The following DTHD1 variants were observed in gnomAD, a reference collection of about 807,000 sequenced individuals.
DTHD1 encodes the protein death domain-containing protein 1.
DTHD1 carries 59 observed loss-of-function variants against 74.8 expected under a neutral mutation model. That is an observed-to-expected ratio of 0.79 (90% CI 0.64 to 0.98). The LOEUF (loss-of-function observed/expected upper bound fraction) is 0.98. DTHD1 is among the 50% of genes least tolerant of loss of function. The probability of loss-of-function intolerance (pLI) is 0.00; values close to 1 mark genes in which losing one functional copy is unlikely to be tolerated. For missense variants in DTHD1, 1,051 were observed against 1,065.4 expected (o/e 0.99, Z 0.19); for synonymous variants, 365 against 371.1 (o/e 0.98, Z 0.19).
At chr4:36,304,326 A>G (rs76899008) in intron 5 of DTHD1, among the ~76,000 whole-genome samples, 2,291 of 152,342 alleles carry the variant, frequency 0.015, 47 homozygotes, top group African/African-American at 0.052. Context: ...AGAATTTACC[A>G]TATCTGTGGT....
intron 1 of DTHD1, among the ~76,000 whole-genome samples, chr4:36,282,429 T>C (rs1040303271): frequency 6.6e-6 from 1 of 152,200 alleles, no homozygotes; most frequent in African/African-American, 2.4e-5. Flanking sequence ...GAGGCAGAGC[T>C]AGTAGTTTGT....
At chr4:36,334,288 G>T (rs1306345690) in intron 8 of DTHD1, among the ~76,000 whole-genome samples, 1 of 151,392 alleles carries the variant, frequency 6.6e-6, no homozygotes, top group Admixed American at 6.6e-5. Context: ...TCCCTTTTTT[G>T]CCCCTTTCTC....
chr4:36,347,458 C>A lies in DTHD1; in HGVS notation c.*3634C>A, dbSNP rs1318597210. 2.6e-5 allele frequency among the ~76,000 whole-genome samples: 4 copies of A among 152,062 alleles called. No individual in the cohort carries two copies. The highest frequency in any genetic ancestry group is 5.9e-5 in the Non-Finnish European group (4 of 67,980). On this transcript the variant is annotated 3_prime_UTR_variant, in exon 10 of 10. Transcript: ENST00000639862. ...AGCAAAGTGATAGTTTACCATAGTT[C>A]ATTTAACCGTGTTCTATATTCAGGA...
At chr4:36,329,634 T>C (rs1232435971) in intron 8 of DTHD1, among the ~76,000 whole-genome samples, 1 of 152,264 alleles carries the variant, frequency 6.6e-6, no homozygotes, top group Non-Finnish European at 1.5e-5. Flanking sequence ...GTATGCTTGC[T>C]TATACTGCTG....
chr4:36,305,654 A>C (rs953666163), intron 5 of DTHD1, among the ~76,000 whole-genome samples: 2 of 152,090 alleles, frequency 1.3e-5, no homozygotes, highest in African/African-American at 4.8e-5. Context: ...GAAATCAAAT[A>C]ATTTGCCCAT....
Position 36,321,178 on chromosome 4 carries a change from C to A in DTHD1, c.2340+4692C>A, listed in dbSNP as rs76805116. Among the ~76,000 whole-genome samples the A allele has an allele frequency of 5.9e-5, 9 of 152,178 alleles. No homozygotes were observed. In the South Asian group the frequency reaches 1.7e-3, roughly 28 times the overall value. ...CCTGGTATGTAGGGTCTCATTTTTC[C>A]CTTTCTTCTTTATAGCATGTTTTCA... On this transcript the variant is annotated intron_variant, in intron 8 of 9. Transcript: ENST00000639862.
intron 3 of DTHD1, among the ~76,000 whole-genome samples, chr4:36,291,986 A>C (rs2109457539): frequency 6.6e-6 from 1 of 152,258 alleles, no homozygotes; most frequent in Non-Finnish European, 1.5e-5. Flanking sequence ...GAATAAATGT[A>C]AAAAAATTCA....
At chr4:36,338,572 C>T (rs1242088994) in intron 8 of DTHD1, among the ~76,000 whole-genome samples, 1 of 151,298 alleles carries the variant, frequency 6.6e-6, no homozygotes, top group Admixed American at 6.6e-5. Flanking sequence ...GCTGTCTCCA[C>T]TATCTCATAT....
intron 7 of DTHD1, chr4:36,315,814 A>G (rs998921968): frequency 6.5e-6 from 1 of 154,192 alleles, no homozygotes; most frequent in Non-Finnish European, 1.4e-5. Context: ...GTCTCTGCCT[A>G]TTGCTCCTTT....
In DTHD1 at chr4:36,284,578, A is replaced by G. The variant is rs1030877579; in HGVS notation, c.874A>G (p.Ile292Val). The change falls in exon 2 of 10, where the codon ATA (isoleucine) becomes GTA (valine). Residue 292 changes from isoleucine to valine, a missense_variant. By Grantham distance (29) the Ile-to-Val change is conservative (BLOSUM62 3). Coordinates refer to ENST00000639862, the MANE Select transcript of DTHD1 (RefSeq NM_001170700.3). ...DSENIKHKNN[I>V]MEKEYLDVLS... ...AGAGAATATAAAGCACAAGAATAAC[A>G]TAATGGAAAAGGAGTAAGTAAATGC... The G allele has an allele frequency of 3.3e-6, 5 of 1,515,260 alleles. No homozygotes were observed. Among genetic ancestry groups the G allele is most frequent in the East Asian group, 4.9e-5 (2 of 40,776 alleles). The allele number at this position is 1,515,260 out of a possible 1,614,324, so 93.9% of individuals were successfully genotyped here.
At chr4:36,305,653 T>C (rs775637158) in intron 5 of DTHD1, among the ~76,000 whole-genome samples, 10 of 152,100 alleles carry the variant, frequency 6.6e-5, no homozygotes, top group Non-Finnish European at 1.2e-4. Flanking sequence ...AGAAATCAAA[T>C]AATTTGCCCA....
chr4:36,290,593 G>T lies in DTHD1; in HGVS notation c.1108G>T (p.Ala370Ser), dbSNP rs1167333045. 2 of 1,551,182 alleles carry T rather than the reference G, an allele frequency of 1.3e-6. No homozygotes were observed. The highest frequency in any genetic ancestry group is 3.9e-5 in the Admixed American group (2 of 50,996). Residue 370 changes from alanine (A) to serine (S), a missense_variant, in exon 3 of 10, where the codon GCA (alanine) becomes TCA (serine). Transcript: ENST00000639862. Reference sequence around the variant, plus strand: ...AATAGGCATTGCAATTCCATTTACTGCACGTTACAGAGGAAATTACAGAGA... The same window carrying T: ...AATAGGCATTGCAATTCCATTTACTTCACGTTACAGAGGAAATTACAGAGA... ...FPIGIAIPFT[A>S]RYRGNYRDIM...
At chr4:36,302,680 T>C (rs1288748471) in intron 5 of DTHD1, among the ~76,000 whole-genome samples, 3 of 152,212 alleles carry the variant, frequency 2.0e-5, no homozygotes, top group East Asian at 1.9e-4. Flanking sequence ...CAATATATTA[T>C]AATATTTGAC....
At chr4:36,315,036 C>A (rs1444153226) in intron 7 of DTHD1, among the ~76,000 whole-genome samples, 5 of 152,138 alleles carry the variant, frequency 3.3e-5, no homozygotes, top group Admixed American at 6.5e-5. Flanking sequence ...ACAGAATACA[C>A]AAATCATAGA....
At chr4:36,331,882 G>A (rs141023373) in intron 8 of DTHD1, among the ~76,000 whole-genome samples, 212 of 152,328 alleles carry the variant, frequency 1.4e-3, no homozygotes, top group African/African-American at 4.9e-3. Flanking sequence ...GAACTGGGAA[G>A]CAGTAGAAAT....
chr4:36,335,453 C>T (rs1437717109), intron 8 of DTHD1, among the ~76,000 whole-genome samples: 1 of 152,128 alleles, frequency 6.6e-6, no homozygotes, highest in Non-Finnish European at 1.5e-5. Context: ...TCTCAAACTC[C>T]TAAGCTAAAG....
intron 8 of DTHD1, among the ~76,000 whole-genome samples, chr4:36,329,736 T>G (rs771329041): frequency 6.6e-6 from 1 of 152,356 alleles, no homozygotes; most frequent in East Asian, 1.9e-4. Context: ...AACAATGTTC[T>G]CTTTTTAAAC....
chr4:36,332,202 TAAAATAAAATAAAATAAAATAAAATA>T (rs1280234304), intron 8 of DTHD1, among the ~76,000 whole-genome samples: 1 of 15,186 alleles, frequency 6.6e-5, no homozygotes, highest in African/African-American at 3.1e-4. Context: ...TAAAATAAAA[TAAAATAAAATAAAATAAAATAAAATA>T]AAATAAAATA....
At chr4:36,332,741 A>C (rs1460542082) in intron 8 of DTHD1, 2 of 152,164 alleles carry the variant, frequency 1.3e-5, no homozygotes, top group Non-Finnish European at 2.9e-5. Flanking sequence ...ACCTGATCAC[A>C]CTTGATCCTT....
Sources: gnomAD v4.1 joint callset for allele counts (sites outside exome capture counted in the v4.1 genomes callset) on GRCh38, gnomAD v4.1.1 for gene constraint, MANE v1.5 for transcripts, NCBI Gene and HGNC (gene_info 2026-07-23, HGNC 2026-07-21) for gene names.